MTCL1: variants seen among roughly 807,000 people sequenced by gnomAD.
The protein encoded by MTCL1 is microtubule crosslinking factor 1, also known as microtubule cross-linking factor 1.
Under a neutral mutation model 141.4 loss-of-function variants are expected in MTCL1, and 79 were observed. The observed-to-expected ratio is 0.56, with a 90% CI of 0.47 to 0.67. The LOEUF is 0.67. Among genes scored for constraint, MTCL1 ranks in the 30% least tolerant of loss-of-function variants. The pLI is 0.00. For missense variants in MTCL1, 2,177 were observed against 2,113.9 expected, an observed-to-expected ratio of 1.03 and a Z score of -0.59; for synonymous variants, 914 against 875.8, an observed-to-expected ratio of 1.04 and a Z score of -0.77.
At chr18:8,752,721 A>G (rs2096378028) in intron 4 of MTCL1, among the ~76,000 whole-genome samples, 3 of 152,248 alleles carry the variant, frequency 2.0e-5, no homozygotes, top group Admixed American at 2.0e-4. Context: ...TGAAGAATCA[A>G]TTCAGCCACT....
chr18:8,719,585 T>G (rs559407343), intron 3 of MTCL1, among the ~76,000 whole-genome samples: 2 of 152,284 alleles, frequency 1.3e-5, no homozygotes, highest in South Asian at 2.1e-4. Flanking sequence ...ATTTTAGAGA[T>G]AGAATCTTGC....
At chr18:8,769,772 T>G (rs1178872793) in intron 4 of MTCL1, among the ~76,000 whole-genome samples, 1 of 152,234 alleles carries the variant, frequency 6.6e-6, no homozygotes, top group African/African-American at 2.4e-5. Context: ...GGCCCCACTC[T>G]TCTTTAGCCA....
intron 4 of MTCL1, among the ~76,000 whole-genome samples, chr18:8,743,825 A>G (rs973013175): frequency 1.3e-5 from 2 of 152,228 alleles, no homozygotes; most frequent in African/African-American, 4.8e-5. Flanking sequence ...GCCGTGTAGC[A>G]TGATACAGTC....
chr18:8,767,428 G>A (rs1466755712), intron 4 of MTCL1, among the ~76,000 whole-genome samples: 1 of 152,208 alleles, frequency 6.6e-6, no homozygotes, highest in African/African-American at 2.4e-5. Flanking sequence ...TAGTGGAAGA[G>A]TCTCTTGGAT....
chr18:8,827,725 G>T (rs898936997), intron 15 of MTCL1, among the ~76,000 whole-genome samples: 1 of 152,152 alleles, frequency 6.6e-6, no homozygotes, highest in African/African-American at 2.4e-5. Context: ...GGCTGTGTCT[G>T]TATTGTCTGT....
At chr18:8,819,353 G>A in intron 13 of MTCL1, 94 bp downstream of exon 12, 1 of 1,376,472 alleles carries the variant, frequency 7.3e-7, no homozygotes, top group Non-Finnish European at 9.9e-7. Context: ...TCTCCTGGCA[G>A]GCTCTAGCAC....
intron 4 of MTCL1, among the ~76,000 whole-genome samples, chr18:8,763,988 G>C (rs149444904): frequency 0.012 from 1,885 of 152,138 alleles, 42 homozygotes; most frequent in African/African-American, 0.043. Context: ...TGAAGTTAGG[G>C]TTCTAAATTC....
intron 4 of MTCL1, among the ~76,000 whole-genome samples, chr18:8,722,743 A>G (rs549974903): frequency 6.6e-6 from 1 of 152,346 alleles, no homozygotes; most frequent in South Asian, 2.1e-4. Context: ...TTTGAGTATA[A>G]GTGGACTTTC....
intron 1 of MTCL1, among the ~76,000 whole-genome samples, chr18:8,708,735 G>A (rs141759857): frequency 5.4e-4 from 82 of 152,282 alleles, no homozygotes; most frequent in African/African-American, 1.6e-3. Context: ...CGTCATGCCC[G>A]TCTCTCCACT....
chr18:8,829,330 C>A, intron 16 of MTCL1: 3 of 985,360 alleles, frequency 3.0e-6, no homozygotes, highest in Non-Finnish European at 3.6e-6. Flanking sequence ...GCCCAGCCAC[C>A]CAGGACTGGT....
intron 7 of MTCL1, among the ~76,000 whole-genome samples, chr18:8,790,922 G>A (rs1342762289): frequency 6.6e-6 from 1 of 152,210 alleles, no homozygotes; most frequent in Non-Finnish European, 1.5e-5. Flanking sequence ...GGCTGAGGCA[G>A]GAGAATCGCT....
At chr18:8,827,713 C>T (rs1391036594) in intron 15 of MTCL1, among the ~76,000 whole-genome samples, 2 of 152,162 alleles carry the variant, frequency 1.3e-5, no homozygotes, top group Non-Finnish European at 2.9e-5. Context: ...AAAGCATTAA[C>T]CGGCTGTGTC....
At chr18:8,714,957 T>A (rs112141197), upstream of MTCL1, among the ~76,000 whole-genome samples, 1 of 152,038 alleles carries the variant, frequency 6.6e-6, no homozygotes, top group South Asian at 2.1e-4. Flanking sequence ...CCACCACGCC[T>A]GGCTAATTTT....
chr18:8,817,954 C>T (rs528850292), intron 12 of MTCL1, among the ~76,000 whole-genome samples: 5 of 152,288 alleles, frequency 3.3e-5, no homozygotes, highest in African/African-American at 1.2e-4. Flanking sequence ...GGTGAGGGCT[C>T]CTCTGGGGAG....
chr18:8,809,183 T>C (rs1361891591), intron 11 of MTCL1, among the ~76,000 whole-genome samples: 1 of 152,248 alleles, frequency 6.6e-6, no homozygotes, highest in Non-Finnish European at 1.5e-5. Context: ...TTATTCTGGC[T>C]TCAAGATAGA....
chr18:8,784,797 A>G (rs763430291), exon 6 of MTCL1: 1 of 1,609,228 alleles, frequency 6.2e-7, no homozygotes, highest in South Asian at 1.1e-5. Context: ...GTGTCCCGGG[A>G]CTCCCCCATC....
chr18:8,827,055 G>T (rs551711038), intron 15 of MTCL1, among the ~76,000 whole-genome samples: 3 of 152,246 alleles, frequency 2.0e-5, no homozygotes, highest in African/African-American at 7.2e-5. Flanking sequence ...CAGAGAGGAC[G>T]TGTCTGTCCA....
chr18:8,812,061 A>G (rs1463359057), intron 11 of MTCL1, among the ~76,000 whole-genome samples: 1 of 151,440 alleles, frequency 6.6e-6, no homozygotes, highest in African/African-American at 2.4e-5. Flanking sequence ...TTGCTGTCAT[A>G]GTTTACCTCT....
rs558467880 is a variant in MTCL1 at position 8,810,597 on chromosome 18, C to T, written c.2605-2382C>T. On this transcript the variant is annotated intron_variant, in intron 11 of 16. Transcript: ENST00000359865. This position sits in a 1 kb window ranked among gnomAD's most constrained non-coding sequence, Gnocchi z 5.0. ...CTGGAAGCATCTACAGGTGAACAGA[C>T]GTACGTGCGAGGGGCTCAGCAGCCT... is the stretch of plus-strand genomic sequence containing the variant. 3.3e-5 allele frequency among the ~76,000 whole-genome samples: 5 copies of T among 152,260 alleles called. No homozygotes were observed. In the East Asian group the frequency reaches 5.8e-4, roughly 18 times the overall value.
Sources: allele counts gnomAD v4.1 joint callset (sites outside exome capture counted in the v4.1 genomes callset), GRCh38; gene constraint gnomAD v4.1.1; non-coding constraint Gnocchi (gnomAD v3.1); transcripts MANE v1.5; gene names NCBI Gene and HGNC (gene_info 2026-07-23, HGNC 2026-07-21).